Variants in ANK2 observed in about 807,000 individuals in gnomAD.
The protein encoded by ANK2 is ankyrin 2.
Under a neutral mutation model 360.5 loss-of-function variants are expected in ANK2, and 83 were observed. That is an observed-to-expected ratio of 0.23 (90% CI 0.19 to 0.28). The LOEUF (loss-of-function observed/expected upper bound fraction) is 0.28. Ranked by LOEUF, ANK2 falls within the 10% of genes least tolerant of loss-of-function variation. ANK2 has a pLI of 1.00. For missense variants in ANK2, 4,201 were observed against 4,795.7 expected (o/e 0.88, Z 3.66); for synonymous variants, 1,740 against 1,759.5 (o/e 0.99, Z 0.28).
chr4:112,953,137 C>T (rs1041201242), intron 2 of ANK2, among the ~76,000 whole-genome samples: 1 of 152,166 alleles, frequency 6.6e-6, no homozygotes, highest in Non-Finnish European at 1.5e-5. Flanking sequence ...TAAGTGGGGA[C>T]ACTGGGGTTC....
intron 1 of ANK2, among the ~76,000 whole-genome samples, chr4:113,117,625 A>G (rs1363062983): frequency 6.6e-6 from 1 of 152,198 alleles, no homozygotes; most frequent in Non-Finnish European, 1.5e-5. Flanking sequence ...TGACCAAGCA[A>G]GGCAAAAATG....
At chr4:112,786,896 G>A in the ANK2 span, among the ~76,000 whole-genome samples, 1 of 151,666 alleles carries the variant, frequency 6.6e-6, no homozygotes, top group Non-Finnish European at 1.5e-5. Flanking sequence ...TTACAGACAC[G>A]CACCTCCAGG....
In ANK2 at chr4:113,165,994, A is replaced by G. The variant is rs533271345; in HGVS notation, c.85-8422A>G. Among the ~76,000 whole-genome samples, 15 of 152,284 alleles carry G rather than the reference A, an allele frequency of 9.9e-5. No individual in the cohort carries two copies. The South Asian group carries it at 1.7e-3, about 17-fold the overall frequency. The stretch of plus-strand genomic sequence containing the variant: ...AAATATTTTCATCTATAAACTTACC[A>G]TGTTCCTATTCAAATTCAGAAAATA... On this transcript the variant is annotated intron_variant, in intron 1 of 45. Coordinates refer to ENST00000357077, the MANE Select transcript of ANK2 (RefSeq NM_001148.6).
At chr4:113,006,246 T>C (rs2052806834) in intron 2 of ANK2, among the ~76,000 whole-genome samples, 1 of 152,140 alleles carries the variant, frequency 6.6e-6, no homozygotes, top group Non-Finnish European at 1.5e-5. Flanking sequence ...CATTACACAT[T>C]CAACATATGT....
intron 2 of ANK2, among the ~76,000 whole-genome samples, chr4:113,024,927 T>C (rs2058946878): frequency 1.3e-5 from 2 of 152,286 alleles, no homozygotes; most frequent in African/African-American, 2.4e-5. Context: ...ATATTATAAC[T>C]ACCTATTCGT....
At chr4:112,930,613 G>A (rs2093106809) in intron 2 of ANK2, among the ~76,000 whole-genome samples, 1 of 152,104 alleles carries the variant, frequency 6.6e-6, no homozygotes, top group African/African-American at 2.4e-5. Flanking sequence ...ATGACGCCGG[G>A]TGCAGTGGCC....
At chr4:113,239,457 A>G (rs1416955017) in intron 7 of ANK2, among the ~76,000 whole-genome samples, 1 of 152,184 alleles carries the variant, frequency 6.6e-6, no homozygotes, top group Non-Finnish European at 1.5e-5. Context: ...AAAAGAGAGC[A>G]ATACCAAGTA....
intron 14 of ANK2, among the ~76,000 whole-genome samples, chr4:113,267,253 A>G (rs866711693): frequency 6.6e-6 from 1 of 152,120 alleles, no homozygotes; most frequent in South Asian, 2.1e-4. Flanking sequence ...TCTTTAGTTT[A>G]ATTAGATCCC....
At chr4:112,806,724 G>A in the ANK2 span, among the ~76,000 whole-genome samples, 487 of 152,242 alleles carry the variant, frequency 3.2e-3, 3 homozygotes, top group Admixed American at 6.9e-3. Flanking sequence ...AGCTACTTGG[G>A]GAGGCTGAGG....
At chr4:113,302,245 G>A (rs1044199275) in intron 22 of ANK2, among the ~76,000 whole-genome samples, 1 of 152,202 alleles carries the variant, frequency 6.6e-6, no homozygotes, top group African/African-American at 2.4e-5. Context: ...AACCAGAACT[G>A]TAGCCCAGTG....
intron 15 of ANK2, among the ~76,000 whole-genome samples, chr4:113,275,767 G>A (rs985070416): frequency 2.0e-5 from 3 of 151,826 alleles, no homozygotes; most frequent in African/African-American, 2.4e-5. Flanking sequence ...GAGAGATTTG[G>A]TGATTGTCTT....
At chr4:112,728,106 A>G in the ANK2 span, among the ~76,000 whole-genome samples, 1 of 151,838 alleles carries the variant, frequency 6.6e-6, no homozygotes, top group African/African-American at 2.4e-5. Context: ...CAGCCTGTCC[A>G]ATATGGTGAA....
At chr4:112,709,670 AC>A in the ANK2 span, among the ~76,000 whole-genome samples, 7 of 152,200 alleles carry the variant, frequency 4.6e-5, no homozygotes, top group East Asian at 1.3e-3. Flanking sequence ...AATTGCTTGA[AC>A]CCAGGAGGCG....
chr4:112,795,821 CA>C, the ANK2 span, among the ~76,000 whole-genome samples: 1 of 122,836 alleles, frequency 8.1e-6, no homozygotes, highest in Non-Finnish European at 1.6e-5. Flanking sequence ...TTTTTTGAGA[CA>C]GGTTGTCACT....
chr4:113,259,377 T>G, intron 13 of ANK2, among the ~76,000 whole-genome samples: 1 of 152,184 alleles, frequency 6.6e-6, no homozygotes, highest in East Asian at 1.9e-4. Context: ...TGTTGCTAAT[T>G]TTTGGCATCT....
intron 2 of ANK2, among the ~76,000 whole-genome samples, chr4:112,935,171 C>CT (rs2093629774): frequency 6.6e-6 from 1 of 151,770 alleles, no homozygotes; most frequent in Non-Finnish European, 1.5e-5. Flanking sequence ...TGCTAGAACA[C>CT]ATAGTGCCTT....
chr4:113,362,521 T>C (rs539207844), intron 39 of ANK2, among the ~76,000 whole-genome samples: 14 of 152,316 alleles, frequency 9.2e-5, no homozygotes, highest in South Asian at 6.2e-4. Flanking sequence ...CATAGCTCAC[T>C]GTAACCTCAA....
At chr4:113,325,964 A>G (rs1427958286) in intron 26 of ANK2, among the ~76,000 whole-genome samples, 1 of 152,096 alleles carries the variant, frequency 6.6e-6, no homozygotes, top group East Asian at 1.9e-4. Context: ...TACTTAAGTT[A>G]TTTTCATCTC....
the ANK2 span, among the ~76,000 whole-genome samples, chr4:112,708,509 G>A: frequency 6.6e-6 from 1 of 152,092 alleles, no homozygotes; most frequent in Non-Finnish European, 1.5e-5. Flanking sequence ...TGGCAAATTA[G>A]TATATTTAAC....
Sources: gnomAD v4.1 joint callset for allele counts (sites outside exome capture counted in the v4.1 genomes callset) on GRCh38, gnomAD v4.1.1 for gene constraint, MANE v1.5 for transcripts, NCBI Gene and HGNC (gene_info 2026-07-23, HGNC 2026-07-21) for gene names.